DPEP1: variants seen among roughly 807,000 people sequenced by gnomAD.
DPEP1 encodes the protein dipeptidase 1.
A neutral mutation model predicts 42.3 loss-of-function variants in DPEP1; 50 were observed. That is an observed-to-expected ratio of 1.18 (90% CI 0.94 to 1.50). The LOEUF (loss-of-function observed/expected upper bound fraction) is 1.50. Among genes scored for constraint, DPEP1 ranks in the 40% most tolerant of loss-of-function variants. The pLI, the probability that DPEP1 is intolerant of heterozygous loss-of-function variation, is 0.00. For missense variants in DPEP1, 663 were observed against 553.0 expected (o/e 1.20, Z -1.99); for synonymous variants, 297 against 234.0 (o/e 1.27, Z -2.46).
At chr16:89,618,420 G>GT (rs2059403749) in intron 1 of DPEP1, among the ~76,000 whole-genome samples, 2 of 152,076 alleles carry the variant, frequency 1.3e-5, no homozygotes, top group African/African-American at 4.8e-5. Context: ...GTCTCCCTAT[G>GT]TTTCCCAGGC....
At chr16:89,633,105 G>A (rs775454085) in intron 2 of DPEP1, among the ~76,000 whole-genome samples, 1 of 152,184 alleles carries the variant, frequency 6.6e-6, no homozygotes, top group Non-Finnish European at 1.5e-5. Context: ...TCTCCTGGGA[G>A]CCCTGCCCAG....
At chr16:89,627,890 C>A (rs529401565) in intron 1 of DPEP1, among the ~76,000 whole-genome samples, 1 of 151,550 alleles carries the variant, frequency 6.6e-6, no homozygotes, top group Admixed American at 6.6e-5. Context: ...AAACTCCTAA[C>A]CTCGTGATCC....
chr16:89,616,876 A>C (rs2059383664), intron 1 of DPEP1: 1 of 242,134 alleles, frequency 4.1e-6, no homozygotes, highest in Non-Finnish European at 8.3e-6. Flanking sequence ...AGTGGGCAGG[A>C]AGCGGCCGGG....
chr16:89,636,046 G>T lies in DPEP1; in HGVS notation c.237+6G>T. The T allele has an allele frequency of 6.2e-7, 1 of 1,601,944 alleles. No individual in the cohort carries two copies. The stretch of plus-strand genomic sequence containing the variant: ...CCGGCTTTGTGGGAGGCCAGGTACC[G>T]CCTGCCCTGCCTTGTGCTTGCCCTG... On this transcript the variant is annotated splice_donor_region_variant and intron_variant, in intron 3 of 10. Transcript: ENST00000690203.
chr16:89,621,674 A>T (rs970797983), intron 1 of DPEP1, among the ~76,000 whole-genome samples: 1 of 152,210 alleles, frequency 6.6e-6, no homozygotes, highest in African/African-American at 2.4e-5. Context: ...CATGCAAGGA[A>T]GGGCTCAGGT....
chr16:89,631,018 A>G (rs1207638292), intron 2 of DPEP1, among the ~76,000 whole-genome samples: 2 of 152,108 alleles, frequency 1.3e-5, no homozygotes, highest in Admixed American at 6.6e-5. Flanking sequence ...CCCGAAGCTC[A>G]GAGTGAGGTC....
At chr16:89,617,425 G>A (rs1024845068) in intron 1 of DPEP1, among the ~76,000 whole-genome samples, 4 of 152,170 alleles carry the variant, frequency 2.6e-5, no homozygotes, top group African/African-American at 4.8e-5. Flanking sequence ...GAGCTCTGAG[G>A]CTTGCGCACA....
At chr16:89,629,904 G>A (rs1231776749) in intron 1 of DPEP1, among the ~76,000 whole-genome samples, 3 of 152,230 alleles carry the variant, frequency 2.0e-5, no homozygotes, top group Non-Finnish European at 2.9e-5. Context: ...GGCAAGTCAC[G>A]TAAGATGATT....
rs569041037 is a variant in DPEP1 at position 89,637,301 on chromosome 16, C to A, written c.689C>A (p.Pro230Gln). Residue 230 changes from proline (P) to glutamine (Q), a missense_variant, in exon 7 of 11, where the codon CCG (proline) becomes CAG (glutamine). Pro to Gln is a moderately conservative substitution (Grantham distance 76). Transcript: ENST00000690203. Reference protein sequence around the residue: ...MKATLQLSRAPVIFSHSSAYS... With the variant: ...MKATLQLSRAQVIFSHSSAYS... ...GCCACCCTGCAGCTGTCCAGAGCCC[C>A]GGTCATCTTCAGCCACTCCTCGGCC... The A allele has an allele frequency of 2.5e-5, 40 of 1,612,540 alleles. No homozygotes were observed. The highest frequency in any genetic ancestry group is 3.4e-5 in the Non-Finnish European group (40 of 1,179,980).
At chr16:89,630,572 AGAGCGGGGCTGGGGGAGCCGGGGCTGGGG>A (rs2059571489) in intron 2 of DPEP1, 58 bp downstream of exon 2, 5 of 440,524 alleles carry the variant, frequency 1.1e-5, no homozygotes, top group Admixed American at 3.9e-5. Context: ...TGGGGCTGGG[AGAGCGGGGCTGGGGGAGCCGGGGCTGGGG>A]GAGCGGGGCT....
intron 2 of DPEP1, 67 bp from the exon 3 acceptor site, chr16:89,635,841 G>A: frequency 4.6e-6 from 7 of 1,516,022 alleles, no homozygotes; most frequent in Non-Finnish European, 5.3e-6. Context: ...CCAGAGGCCA[G>A]GAGCTCGGAA....
rs551478768 is a variant in DPEP1 at position 89,636,133 on chromosome 16, C to T, written c.237+93C>T. 19 of 1,546,556 alleles carry T rather than the reference C, an allele frequency of 1.2e-5. No homozygotes were observed. In the African/African-American group the frequency reaches 1.6e-4, roughly 13 times the overall value. ...ACAGTGGGACCATCCCTGTGGTGTT[C>T]CTCCAGGGTCCCTCGGTGCCCAGGC... On this transcript the variant is annotated intron_variant, in intron 3 of 10. Transcript: ENST00000690203.
In DPEP1 at chr16:89,618,040, T is replaced by A. The variant is rs1285394853; in HGVS notation, c.-107+4321T>A. Among the ~76,000 whole-genome samples the A allele has an allele frequency of 1.3e-5, 2 of 151,234 alleles. 1 individual carries two copies. The highest frequency in any genetic ancestry group is 4.2e-4 in the South Asian group (2 of 4,780). On this transcript the variant is annotated intron_variant, in intron 1 of 10. Transcript: ENST00000690203. ...CTCAGTCTCAAAAAATATAAAAAAA[T>A]AAAAATAAAAAATCATCATTCTAAG...
downstream of DPEP1, chr16:89,638,598 C>A (rs994501283): frequency 2.9e-6 from 2 of 696,734 alleles, no homozygotes; most frequent in Non-Finnish European, 3.7e-6. Context: ...ACTGCTTGAG[C>A]GTCTTTAGGG....
chr16:89,635,739 A>C (rs1413720536), intron 2 of DPEP1, among the ~76,000 whole-genome samples, 169 bp from the exon 3 acceptor site: 2 of 152,052 alleles, frequency 1.3e-5, no homozygotes, highest in Non-Finnish European at 2.9e-5. Context: ...CAGCCTGCAC[A>C]GGTGTGTTCA....
chr16:89,614,520 C>T (rs956729279), intron 1 of DPEP1, among the ~76,000 whole-genome samples: 14 of 152,208 alleles, frequency 9.2e-5, no homozygotes, highest in Admixed American at 6.5e-5. Context: ...TGTGGCCGGG[C>T]GCGGTGGCTC....
At chr16:89,631,183 G>C (rs1483999828) in intron 2 of DPEP1, among the ~76,000 whole-genome samples, 1 of 152,084 alleles carries the variant, frequency 6.6e-6, no homozygotes, top group Non-Finnish European at 1.5e-5. Flanking sequence ...CTCCCGGGGG[G>C]AGGCCCATGC....
chr16:89,641,504 T>C (rs1221157626), downstream of DPEP1, among the ~76,000 whole-genome samples: 1 of 152,244 alleles, frequency 6.6e-6, no homozygotes, highest in African/African-American at 2.4e-5. Context: ...GCAAGGATTA[T>C]TATAATATTG....
intron 1 of DPEP1, among the ~76,000 whole-genome samples, chr16:89,626,208 C>G (rs1194671822): frequency 3.3e-5 from 5 of 152,212 alleles, no homozygotes; most frequent in Non-Finnish European, 5.9e-5. Flanking sequence ...TGTGTCCCCA[C>G]CCAAATCTCA....
Sources: gnomAD v4.1 joint callset for allele counts (sites outside exome capture counted in the v4.1 genomes callset) on GRCh38, gnomAD v4.1.1 for gene constraint, MANE v1.5 for transcripts, NCBI Gene and HGNC (gene_info 2026-07-23, HGNC 2026-07-21) for gene names.